Variants in RPF1 observed in about 807,000 individuals in gnomAD.
The protein encoded by RPF1 is ribosome production factor 1.
A neutral mutation model predicts 41.9 loss-of-function variants in RPF1; 34 were observed. The observed-to-expected ratio is 0.81, with a 90% confidence interval of 0.62 to 1.08. The LOEUF (loss-of-function observed/expected upper bound fraction) is 1.08. RPF1 is among the 50% of genes least tolerant of loss of function. The pLI, the probability that RPF1 is intolerant of heterozygous loss-of-function variation, is 0.00. For missense variants in RPF1, 425 were observed against 435.2 expected (o/e 0.98, Z 0.21); for synonymous variants, 140 against 148.9 (o/e 0.94, Z 0.43).
chr1:84,488,689 G>C (rs995527219), intron 3 of RPF1, among the ~76,000 whole-genome samples: 1 of 152,076 alleles, frequency 6.6e-6, no homozygotes, highest in Non-Finnish European at 1.5e-5. Flanking sequence ...ACTAGAGATA[G>C]ATTATTATGA....
At chr1:84,494,544 G>A (rs1479854098) in intron 5 of RPF1, among the ~76,000 whole-genome samples, 1 of 152,164 alleles carries the variant, frequency 6.6e-6, no homozygotes, top group Non-Finnish European at 1.5e-5. Flanking sequence ...TGCTTGTAAT[G>A]CCATTAAGCA....
chr1:84,486,444 C>T (rs1256663755), intron 3 of RPF1, among the ~76,000 whole-genome samples: 1 of 151,750 alleles, frequency 6.6e-6, no homozygotes, highest in African/African-American at 2.4e-5. Context: ...AAAAATTAGC[C>T]AGGTGTGGTG....
intron 5 of RPF1, among the ~76,000 whole-genome samples, chr1:84,492,963 C>T (rs1247012764): frequency 6.6e-6 from 1 of 152,214 alleles, no homozygotes; most frequent in African/African-American, 2.4e-5. Context: ...ACTTGACCCT[C>T]TTCAGCCTCT....
intron 1 of RPF1, among the ~76,000 whole-genome samples, chr1:84,479,821 CAA>C (rs1053276742): frequency 3.5e-4 from 54 of 152,294 alleles, no homozygotes; most frequent in African/African-American, 1.2e-3. Context: ...GCCCAGAAGG[CAA>C]AAGTCTCAGC....
At chr1:84,483,509 C>T (rs1400090881) in intron 3 of RPF1, among the ~76,000 whole-genome samples, 2 of 152,102 alleles carry the variant, frequency 1.3e-5, no homozygotes, top group African/African-American at 4.8e-5. Context: ...ACAGGTGATC[C>T]GCCCGCTTTG....
At chr1:84,495,789 T>C (rs959447702) in intron 6 of RPF1, 93 bp from the exon 7 acceptor site, 16 of 816,790 alleles carry the variant, frequency 2.0e-5, no homozygotes, top group Middle Eastern at 2.4e-4. Flanking sequence ...TTTTGCAAAT[T>C]TGTCATGTAA....
At chr1:84,480,486 A>G (rs971924674) in intron 1 of RPF1, among the ~76,000 whole-genome samples, 34 of 152,214 alleles carry the variant, frequency 2.2e-4, no homozygotes, top group African/African-American at 7.0e-4. Flanking sequence ...GTATATTTTG[A>G]TTATAAAATA....
chr1:84,479,326 T>G lies in RPF1; in HGVS notation c.45T>G (p.Ser15Arg), dbSNP rs1433633378. Residue 15 changes from serine to arginine, a missense_variant, in exon 1 of 9, where the codon AGT becomes AGG. By Grantham distance (110) the Ser-to-Arg change is moderately radical. Coordinates refer to ENST00000370654, the MANE Select transcript of RPF1 (RefSeq NM_025065.7). ...GDKSSSSGKK[S>R]LKRKAAAEEL... is the part of the protein sequence containing the mutation. ...AGAGCAGCAGCAGCGGGAAGAAAAG[T>G]CTAAAACGGAAAGCCGCTGCCGAAG... 6.2e-7 allele frequency: 1 copy of G among 1,611,904 alleles called. No homozygotes were observed. The highest frequency in any genetic ancestry group is 8.5e-7 in the Non-Finnish European group (1 of 1,179,012).
intron 5 of RPF1, among the ~76,000 whole-genome samples, chr1:84,492,062 G>A (rs952524477): frequency 1.3e-5 from 2 of 152,076 alleles, no homozygotes; most frequent in Non-Finnish European, 2.9e-5. Flanking sequence ...TTGGGAGGCT[G>A]ATGCACTAGA....
chr1:84,489,604 G>A, intron 3 of RPF1, 29 bp from the exon 4 acceptor site: 1 of 1,283,170 alleles, frequency 7.8e-7, no homozygotes, highest in Non-Finnish European at 1.1e-6. Flanking sequence ...TTTCTTTGAT[G>A]TAAAATTATT....
chr1:84,482,881 C>G, intron 2 of RPF1, 34 bp from the exon 3 acceptor site: 1 of 1,327,990 alleles, frequency 7.5e-7, no homozygotes, highest in Non-Finnish European at 1.1e-6. Context: ...AATGTAAAAT[C>G]CTTCTAAAAT....
chr1:84,481,891 A>G (rs1054911407), intron 2 of RPF1, among the ~76,000 whole-genome samples: 1 of 152,228 alleles, frequency 6.6e-6, no homozygotes, highest in Non-Finnish European at 1.5e-5. Context: ...TAAACACTCT[A>G]CTATTTCATA....
chr1:84,490,899 G>A (rs1447313425), intron 5 of RPF1, among the ~76,000 whole-genome samples: 1 of 152,198 alleles, frequency 6.6e-6, no homozygotes, highest in Non-Finnish European at 1.5e-5. Flanking sequence ...CTAGATGGAT[G>A]AGGGTGAAGG....
chr1:84,484,994 C>T (rs1681712311), intron 3 of RPF1, among the ~76,000 whole-genome samples: 1 of 152,066 alleles, frequency 6.6e-6, no homozygotes, highest in Non-Finnish European at 1.5e-5. Context: ...TTTTTGGATT[C>T]CGGGCTTTGG....
rs1681981842 is a variant in RPF1, at chr1:84,498,281, A to G, written c.*811A>G. On this transcript the variant is annotated 3_prime_UTR_variant, in exon 9 of 9. Coordinates refer to ENST00000370654, the MANE Select transcript of RPF1 (RefSeq NM_025065.7). ...CTTAACCCCTTCAGGTGTTCAGAAC[A>G]GATTAATATACCATGTATTTAATAC... 6.6e-6 allele frequency: 1 copy of G among 152,648 alleles called. No homozygotes were observed. 9.5% of individuals were successfully genotyped at this position (152,648 alleles called of 1,614,324 possible).
chr1:84,479,370 G>A lies in RPF1; in HGVS notation c.89G>A (p.Gly30Asp), dbSNP rs1449921661. The change falls in exon 1 of 9, where the codon GGC becomes GAC. Residue 30 changes from glycine to aspartate, a missense_variant. Gly to Asp is a moderately conservative substitution (Grantham distance 94). Transcript: ENST00000370654. ...AAAEELQEAA[G>D]AGDGATENGV... ...GCCGAAGAACTTCAGGAGGCTGCAG[G>A]CGCTGGGGATGGGGCGACGGAAAAC... is the stretch of plus-strand genomic sequence containing the variant. The A allele has an allele frequency of 2.5e-6, 4 of 1,614,086 alleles. No individual in the cohort carries two copies. The South Asian group carries it at 4.4e-5, about 18-fold the overall frequency.
At chr1:84,490,172 G>A in intron 4 of RPF1, 147 bp from the exon 5 acceptor site, 1 of 557,324 alleles carries the variant, frequency 1.8e-6, no homozygotes, top group South Asian at 3.3e-5. Flanking sequence ...GATAAAAGAG[G>A]ACACACTGTT....
At chr1:84,495,276 C>T (rs1681912288) in intron 5 of RPF1, 97 bp from the exon 6 acceptor site, 1 of 684,986 alleles carries the variant, frequency 1.5e-6, no homozygotes. Flanking sequence ...CACTTGGGTA[C>T]AGATTTTAGG....
At position 84,498,306 on chromosome 1, in the gene RPF1, C is replaced by T. The variant is rs1681982296; in HGVS notation, c.*836C>T. On this transcript the variant is annotated 3_prime_UTR_variant, in exon 9 of 9. Coordinates refer to ENST00000370654, the MANE Select transcript of RPF1 (RefSeq NM_025065.7). Reference sequence around the variant, plus strand: ...AGATTAATATACCATGTATTTAATACCAATAATAATGCAAAATAAAAGTTT... The same window carrying T: ...AGATTAATATACCATGTATTTAATATCAATAATAATGCAAAATAAAAGTTT... 1 of 152,464 alleles carries T rather than the reference C, an allele frequency of 6.6e-6. No homozygotes were observed. The highest frequency in any genetic ancestry group is 2.1e-4 in the South Asian group (1 of 4,826). 9.4% of individuals were successfully genotyped at this position (152,464 alleles called of 1,614,324 possible). A position where few individuals can be genotyped will look rare whatever the true frequency, so the allele number is the denominator to read the frequency against.
Sources: allele counts gnomAD v4.1 joint callset (sites outside exome capture counted in the v4.1 genomes callset), GRCh38; gene constraint gnomAD v4.1.1; transcripts MANE v1.5; gene names NCBI Gene and HGNC (gene_info 2026-07-23, HGNC 2026-07-21).